Variants in DCTN4 observed in about 807,000 individuals in gnomAD.
DCTN4 encodes dynactin subunit 4, also known as dynactin 4 (p62).
In DCTN4, 23 loss-of-function variants were observed where a neutral mutation model predicts 62.7. The ratio of observed to expected loss-of-function variants is 0.37; its 90% confidence interval spans 0.26 to 0.52. The LOEUF (loss-of-function observed/expected upper bound fraction) is 0.52, where lower values mean the gene tolerates loss of function less well. DCTN4 is among the 20% of genes least tolerant of loss of function. The pLI, the probability that DCTN4 is intolerant of heterozygous loss-of-function variation, is 0.92. For synonymous variants in DCTN4, 199 were observed against 202.1 expected (o/e 0.98, Z 0.13); for missense variants, 514 against 580.4 (o/e 0.89, Z 1.18).
At chr5:150,753,706 A>C in intron 2 of DCTN4, 49 bp from the exon 3 acceptor site, 1 of 1,555,198 alleles carries the variant, frequency 6.4e-7, no homozygotes. Context: ...TTTATCAAGG[A>C]ATTCAAGAGA....
intron 3 of DCTN4, among the ~76,000 whole-genome samples, chr5:150,743,897 A>T (rs1461963742): frequency 1.3e-5 from 2 of 152,224 alleles, no homozygotes; most frequent in Non-Finnish European, 2.9e-5. Context: ...CCTCCTCCAA[A>T]GGAAAGCAGC....
chr5:150,719,269 T>C (rs1357006184), intron 10 of DCTN4, among the ~76,000 whole-genome samples: 1 of 152,130 alleles, frequency 6.6e-6, no homozygotes, highest in African/African-American at 2.4e-5. Context: ...GTTAAAGAGT[T>C]TGCTGCAGAA....
At chr5:150,714,275 G>A (rs981473703) in intron 12 of DCTN4, among the ~76,000 whole-genome samples, 2 of 152,096 alleles carry the variant, frequency 1.3e-5, no homozygotes, top group African/African-American at 4.8e-5. Flanking sequence ...TGTCAGCAGC[G>A]GGCTCTAAAG....
chr5:150,750,730 A>G (rs1752641047), intron 3 of DCTN4, among the ~76,000 whole-genome samples: 1 of 152,172 alleles, frequency 6.6e-6, no homozygotes, highest in Admixed American at 6.5e-5. Flanking sequence ...ACATATGTGG[A>G]GAAGTATAAA....
At chr5:150,752,520 T>C (rs1378817930) in intron 3 of DCTN4, among the ~76,000 whole-genome samples, 1 of 152,230 alleles carries the variant, frequency 6.6e-6, no homozygotes. Flanking sequence ...AAAATTTTAA[T>C]AAATGTTTTA....
chr5:150,743,347 T>C (rs1760839779), intron 3 of DCTN4, among the ~76,000 whole-genome samples: 4 of 152,222 alleles, frequency 2.6e-5, no homozygotes, highest in Admixed American at 6.5e-5. Flanking sequence ...TGCCTGCCTC[T>C]GTAGGCTCCA....
intron 5 of DCTN4, among the ~76,000 whole-genome samples, chr5:150,732,592 G>A (rs1760428103): frequency 6.6e-6 from 1 of 152,172 alleles, no homozygotes; most frequent in African/African-American, 2.4e-5. Context: ...TACTCCACAG[G>A]ATTTTTGTGA....
chr5:150,753,474 C>T lies in DCTN4; in HGVS notation c.385+5G>A. The stretch of plus-strand genomic sequence containing the variant: ...AAATTTCATATTGAAGTCCATCTCA[C>T]TCACCTACAGATTTGTCTGCCATGC... On this transcript the variant is annotated splice_donor_5th_base_variant and intron_variant, in intron 3 of 12. Coordinates refer to ENST00000447998, the MANE Select transcript of DCTN4 (RefSeq NM_016221.4). 6.2e-7 allele frequency: 1 copy of T among 1,612,118 alleles called. No individual in the cohort carries two copies. Among genetic ancestry groups the T allele is most frequent in the Non-Finnish European group, 8.5e-7 (1 of 1,178,454 alleles).
At chr5:150,758,204 G>T (rs1752933013) in intron 1 of DCTN4, 1 of 985,412 alleles carries the variant, frequency 1.0e-6, no homozygotes, top group Non-Finnish European at 1.2e-6. Flanking sequence ...CTTTTTACTG[G>T]CCGGGGTCTT....
intron 8 of DCTN4, among the ~76,000 whole-genome samples, chr5:150,728,053 C>T (rs6887904): frequency 9.9e-5 from 15 of 151,974 alleles, no homozygotes; most frequent in East Asian, 1.9e-4. Flanking sequence ...TTCATTTTCC[C>T]GTGCAGTTAG....
At chr5:150,721,843 G>C (rs185366625) in intron 9 of DCTN4, among the ~76,000 whole-genome samples, 2 of 152,082 alleles carry the variant, frequency 1.3e-5, no homozygotes, top group Non-Finnish European at 1.5e-5. Context: ...TTTTTCCTTA[G>C]AGAGAGAGTC....
At chr5:150,744,709 G>A (rs1760897161) in intron 3 of DCTN4, among the ~76,000 whole-genome samples, 1 of 151,840 alleles carries the variant, frequency 6.6e-6, no homozygotes, top group Non-Finnish European at 1.5e-5. Context: ...AAGTGAAGGA[G>A]AAATAAAATA....
chr5:150,744,568 C>T (rs890238653), intron 3 of DCTN4, among the ~76,000 whole-genome samples: 3 of 152,082 alleles, frequency 2.0e-5, no homozygotes, highest in African/African-American at 7.2e-5. Flanking sequence ...CAAAGGGAAG[C>T]CCATCAGACT....
chr5:150,723,665 A>G (rs1358114716), intron 8 of DCTN4, among the ~76,000 whole-genome samples: 1 of 152,202 alleles, frequency 6.6e-6, no homozygotes. Context: ...TCTTAAATAC[A>G]TACTACATAT....
intron 8 of DCTN4, among the ~76,000 whole-genome samples, chr5:150,723,508 ACC>A (rs1480649546): frequency 1.3e-5 from 2 of 152,140 alleles, no homozygotes; most frequent in East Asian, 3.8e-4. Flanking sequence ...TCACTCTGTT[ACC>A]CAGGCTGGAG....
chr5:150,715,091 AG>A (rs1171358566), intron 12 of DCTN4, among the ~76,000 whole-genome samples: 1 of 138,968 alleles, frequency 7.2e-6, no homozygotes, highest in Non-Finnish European at 1.5e-5. Flanking sequence ...CACAGTCCCC[AG>A]TTACTGGAAG....
In DCTN4 at chr5:150,749,390, G is replaced by C. The variant is rs563746720; in HGVS notation, c.385+4089C>G. Among the ~76,000 whole-genome samples, 658 of 152,304 alleles carry C rather than the reference G, an allele frequency of 4.3e-3. 4 individuals are homozygous for C. Among genetic ancestry groups the C allele is most frequent in the African/African-American group, 0.015 (630 of 41,572 alleles). Reference sequence around the variant, plus strand: ...TGAGAAAATGCAAATTAAAACCACAGTGAAGTACTGCTGTACATGTGCTAG... The same window carrying C: ...TGAGAAAATGCAAATTAAAACCACACTGAAGTACTGCTGTACATGTGCTAG... On this transcript the variant is annotated intron_variant, in intron 3 of 12. Transcript: ENST00000447998.
intron 5 of DCTN4, 52 bp from the exon 6 acceptor site, chr5:150,731,541 T>C: frequency 2.1e-6 from 3 of 1,436,022 alleles, no homozygotes; most frequent in Non-Finnish European, 2.9e-6. Context: ...ACACACCCTA[T>C]TTATCAAAAG....
chr5:150,718,522 A>G (rs1244398313), intron 10 of DCTN4, 139 bp from the exon 11 acceptor site: 2 of 615,516 alleles, frequency 3.2e-6, no homozygotes, highest in South Asian at 3.9e-5. Flanking sequence ...TGTATTCTCT[A>G]TGTGCTTACT....
Sources: allele counts gnomAD v4.1 joint callset (sites outside exome capture counted in the v4.1 genomes callset), GRCh38; gene constraint gnomAD v4.1.1; transcripts MANE v1.5; gene names NCBI Gene and HGNC (gene_info 2026-07-23, HGNC 2026-07-21).